CEP128: variants seen among roughly 807,000 people sequenced by gnomAD.
CEP128 encodes the protein centrosomal protein 128kDa.
Under a neutral mutation model 156.7 loss-of-function variants are expected in CEP128, and 132 were observed. That is an observed-to-expected ratio of 0.84 (90% confidence interval 0.73 to 0.97). CEP128 has a LOEUF of 0.97. Ranked by LOEUF, CEP128 falls within the 50% of genes least tolerant of loss-of-function variation. The pLI is 0.00. For missense variants in CEP128, 1,252 were observed against 1,281.9 expected, an observed-to-expected ratio of 0.98 and a Z score of 0.36; for synonymous variants, 469 against 448.9, an observed-to-expected ratio of 1.04 and a Z score of -0.57.
chr14:80,951,624 A>G (rs546906363), intron 2 of CEP128, among the ~76,000 whole-genome samples: 1 of 152,280 alleles, frequency 6.6e-6, no homozygotes, highest in Non-Finnish European at 1.5e-5. Context: ...ATGGAGAAAT[A>G]GAAAACTAAT....
At chr14:80,540,693 C>T (rs1889715731) in intron 21 of CEP128, among the ~76,000 whole-genome samples, 1 of 152,146 alleles carries the variant, frequency 6.6e-6, no homozygotes, top group Non-Finnish European at 1.5e-5. Context: ...TAGCCCCTCA[C>T]CCCTAACCAG....
chr14:80,938,273 G>T, intron 2 of CEP128, among the ~76,000 whole-genome samples: 2 of 127,406 alleles, frequency 1.6e-5, no homozygotes, highest in African/African-American at 3.0e-5. Context: ...TTGAGACAGA[G>T]TCTTGCTCTG....
chr14:80,622,376 A>T (rs968471110), intron 19 of CEP128, among the ~76,000 whole-genome samples: 7 of 150,626 alleles, frequency 4.6e-5, no homozygotes, highest in African/African-American at 1.5e-4. Context: ...CCTAGGCATT[A>T]CCATTCAGGA....
At chr14:80,624,681 T>C (rs1303876567) in intron 19 of CEP128, among the ~76,000 whole-genome samples, 1 of 152,180 alleles carries the variant, frequency 6.6e-6, no homozygotes, top group African/African-American at 2.4e-5. Flanking sequence ...TTGGTGATGT[T>C]GAGCATTTTT....
chr14:80,766,343 A>T (rs1841271630), intron 16 of CEP128, among the ~76,000 whole-genome samples: 1 of 152,184 alleles, frequency 6.6e-6, no homozygotes, highest in Admixed American at 6.5e-5. Context: ...AAACACACAC[A>T]CACATTCTGT....
intron 19 of CEP128, among the ~76,000 whole-genome samples, chr14:80,686,565 C>A (rs1002951480): frequency 3.3e-5 from 5 of 152,066 alleles, no homozygotes; most frequent in Non-Finnish European, 7.4e-5. Context: ...GAATCAAATT[C>A]ACATATAACA....
intron 19 of CEP128, among the ~76,000 whole-genome samples, chr14:80,715,234 A>AT (rs1208746850): frequency 6.6e-6 from 1 of 152,014 alleles, no homozygotes; most frequent in Non-Finnish European, 1.5e-5. Context: ...GAAAAAAAAA[A>AT]GGAATTATAA....
intron 5 of CEP128, among the ~76,000 whole-genome samples, chr14:80,905,297 A>G (rs1405272613): frequency 6.6e-6 from 1 of 152,170 alleles, no homozygotes; most frequent in Non-Finnish European, 1.5e-5. Context: ...CAAACTACAT[A>G]GTCTACAATC....
At chr14:80,594,889 G>A (rs927103584) in intron 19 of CEP128, among the ~76,000 whole-genome samples, 2 of 152,200 alleles carry the variant, frequency 1.3e-5, no homozygotes, top group Non-Finnish European at 2.9e-5. Flanking sequence ...TGTAAATCTA[G>A]TTCAACCATT....
intron 19 of CEP128, among the ~76,000 whole-genome samples, chr14:80,669,596 A>C (rs1456244333): frequency 6.6e-6 from 1 of 152,246 alleles, no homozygotes; most frequent in Non-Finnish European, 1.5e-5. Context: ...AGAGAATGCA[A>C]ATTAAAACCA....
intron 13 of CEP128, among the ~76,000 whole-genome samples, chr14:80,798,728 C>T (rs1883645730): frequency 6.6e-6 from 1 of 152,174 alleles, no homozygotes; most frequent in Admixed American, 6.5e-5. Context: ...AAAACATTTT[C>T]CATGAGGGTT....
rs1179738887 is a variant in CEP128, at chr14:80,774,626, C to CGT, written c.2376+3254_2376+3255dup. Among the ~76,000 whole-genome samples the CGT allele has an allele frequency of 5.3e-5, 8 of 150,508 alleles. No individual in the cohort carries two copies. In the East Asian group the frequency reaches 1.4e-3, roughly 26 times the overall value. On this transcript the variant is annotated intron_variant, in intron 16 of 24. Transcript: ENST00000555265. Reference sequence around the variant, plus strand: ...ATATACATATGTGTGTGTGTGTGTGCGTGTGTGTGTATGTGTGTGTGTGTG... The same window carrying CGT: ...ATATACATATGTGTGTGTGTGTGTGCGTGTGTGTGTGTATGTGTGTGTGTGTG...
At chr14:80,482,819 T>C (rs1887082865) in intron 14 of CEP128, among the ~76,000 whole-genome samples, 1 of 152,186 alleles carries the variant, frequency 6.6e-6, no homozygotes, top group Admixed American at 6.6e-5. Context: ...GGGACAGAAG[T>C]ACACAATTCT....
At chr14:80,955,838 G>C in intron 2 of CEP128, 1 of 1,614,208 alleles carries the variant, frequency 6.2e-7, no homozygotes. Flanking sequence ...TTACCGCCCA[G>C]TACGCAGACT....
At chr14:80,798,349 A>C (rs1453504152) in intron 13 of CEP128, among the ~76,000 whole-genome samples, 6 of 152,250 alleles carry the variant, frequency 3.9e-5, no homozygotes, top group African/African-American at 1.4e-4. Flanking sequence ...AAGCAAAATA[A>C]GCAAAGAGAA....
chr14:80,848,595 G>T (rs942624914), intron 9 of CEP128, among the ~76,000 whole-genome samples: 12 of 151,958 alleles, frequency 7.9e-5, no homozygotes, highest in Admixed American at 6.6e-4. Context: ...GGGAGTCAGA[G>T]GCTGCAGTGA....
intron 19 of CEP128, among the ~76,000 whole-genome samples, chr14:80,722,258 C>T (rs1412736896): frequency 6.6e-6 from 1 of 152,024 alleles, no homozygotes; most frequent in Non-Finnish European, 1.5e-5. Context: ...TGAGAAACAC[C>T]CAGCGTCATG....
chr14:80,595,306 T>A (rs1034111185), intron 19 of CEP128, among the ~76,000 whole-genome samples: 1 of 151,986 alleles, frequency 6.6e-6, no homozygotes, highest in African/African-American at 2.4e-5. Context: ...GAACATCACA[T>A]ACTGGGGCCT....
chr14:80,543,945 G>A (rs144455267), intron 21 of CEP128, among the ~76,000 whole-genome samples: 38 of 152,266 alleles, frequency 2.5e-4, no homozygotes, highest in Admixed American at 1.2e-3. Flanking sequence ...CACTTCGAGT[G>A]TGCTATGAAA....
Sources: gnomAD v4.1 joint callset for allele counts (sites outside exome capture counted in the v4.1 genomes callset) on GRCh38, gnomAD v4.1.1 for gene constraint, MANE v1.5 for transcripts, NCBI Gene and HGNC (gene_info 2026-07-23, HGNC 2026-07-21) for gene names.